C10orf67: variants seen among roughly 807,000 people sequenced by gnomAD.
C10orf67 encodes uncharacterized protein C10orf67, mitochondrial.
C10orf67 carries 60 observed loss-of-function variants against 35.6 expected under a neutral mutation model. That is an observed-to-expected ratio of 1.68 (90% CI 1.37 to 2.09). The LOEUF (loss-of-function observed/expected upper bound fraction) is 2.09, where lower values mean the gene tolerates loss of function less well. Ranked by LOEUF, C10orf67 falls within the 30% of genes most tolerant of loss-of-function variation. The probability of loss-of-function intolerance (pLI) is 0.00; values close to 1 mark genes in which losing one functional copy is unlikely to be tolerated. For missense variants in C10orf67, 474 were observed against 330.2 expected (o/e 1.44, Z -3.38); for synonymous variants, 167 against 115.8 (o/e 1.44, Z -2.84).
intron 13 of C10orf67, among the ~76,000 whole-genome samples, chr10:23,230,344 A>C (rs1934085827): frequency 6.6e-6 from 1 of 152,178 alleles, no homozygotes; most frequent in Non-Finnish European, 1.5e-5. Flanking sequence ...TGAAAAGCAA[A>C]ACAAGCCAAA....
rs1292271494 is a variant in C10orf67 at position 23,266,428 on chromosome 10, T to G, written c.1036-2A>C. ...TCTCCCCTTGGCTGATCTTGCAACC[T>G]GCCACACAAAAAGACACAACTTTGT... is the stretch of plus-strand genomic sequence containing the variant. On this transcript the variant is annotated splice_acceptor_variant, in intron 9 of 15. Transcript: ENST00000636213. LOFTEE classifies it high-confidence loss of function. 2.5e-6 allele frequency: 1 copy of G among 398,500 alleles called. No homozygotes were observed. The highest frequency in any genetic ancestry group is 2.1e-5 in the African/African-American group (1 of 48,628). 24.7% of individuals were successfully genotyped at this position (398,500 alleles called of 1,614,324 possible). A position where few individuals can be genotyped will look rare whatever the true frequency, so the allele number is the denominator to read the frequency against.
intron 15 of C10orf67, among the ~76,000 whole-genome samples, chr10:23,220,641 C>T (rs190542945): frequency 3.3e-5 from 5 of 152,322 alleles, no homozygotes; most frequent in East Asian, 1.9e-4. Flanking sequence ...AATCCAGCTG[C>T]TCTACTTCTT....
At chr10:23,323,301 C>T (rs1366865250) in intron 2 of C10orf67, among the ~76,000 whole-genome samples, 2 of 152,124 alleles carry the variant, frequency 1.3e-5, no homozygotes, top group Non-Finnish European at 2.9e-5. Context: ...ATAATCAAAA[C>T]ACAATGTATT....
intron 12 of C10orf67, among the ~76,000 whole-genome samples, chr10:23,246,043 T>C (rs1842308910): frequency 6.6e-6 from 1 of 152,192 alleles, no homozygotes. Context: ...AATCATGTCC[T>C]TTGCAGCAAT....
intron 8 of C10orf67, among the ~76,000 whole-genome samples, chr10:23,278,539 A>G (rs1843263321): frequency 1.3e-5 from 2 of 152,214 alleles, no homozygotes; most frequent in Admixed American, 1.3e-4. Flanking sequence ...AGCTCACAGA[A>G]TGGAAACAGC....
At chr10:23,271,227 C>T (rs1373271970) in intron 8 of C10orf67, among the ~76,000 whole-genome samples, 1 of 152,204 alleles carries the variant, frequency 6.6e-6, no homozygotes, top group South Asian at 2.1e-4. Context: ...AGCTAACTAT[C>T]CTGAATGTAT....
chr10:23,339,563 A>T (rs985507679), intron 1 of C10orf67, among the ~76,000 whole-genome samples: 6 of 152,200 alleles, frequency 3.9e-5, no homozygotes, highest in African/African-American at 1.4e-4. Flanking sequence ...AGCAGTTGTC[A>T]CACCCTCTGG....
chr10:23,307,983 T>C (rs540603263), intron 4 of C10orf67, among the ~76,000 whole-genome samples: 2 of 152,282 alleles, frequency 1.3e-5, no homozygotes, highest in Admixed American at 1.3e-4. Context: ...TTCTTACATA[T>C]GTCTACAGCT....
At chr10:23,247,753 T>C (rs1842353958) in intron 12 of C10orf67, among the ~76,000 whole-genome samples, 1 of 152,222 alleles carries the variant, frequency 6.6e-6, no homozygotes, top group Admixed American at 6.5e-5. Context: ...TTGAATGTTA[T>C]TGAAAACTTT....
chr10:23,295,584 C>T (rs1468879768), intron 5 of C10orf67, among the ~76,000 whole-genome samples: 1 of 152,178 alleles, frequency 6.6e-6, no homozygotes. Context: ...TATCATAACT[C>T]TCTAGTTTAG....
chr10:23,243,644 G>A (rs1019224754), intron 12 of C10orf67, among the ~76,000 whole-genome samples: 9 of 150,612 alleles, frequency 6.0e-5, no homozygotes, highest in Admixed American at 2.6e-4. Flanking sequence ...CTGAGATCAC[G>A]CCATTGCACT....
intron 12 of C10orf67, among the ~76,000 whole-genome samples, chr10:23,244,761 A>T (rs921312281): frequency 2.6e-5 from 4 of 152,218 alleles, no homozygotes; most frequent in Non-Finnish European, 5.9e-5. Flanking sequence ...TATTGTCAAG[A>T]TGTCTATACT....
At chr10:23,297,985 T>G (rs4747458) in intron 5 of C10orf67, among the ~76,000 whole-genome samples, 59,290 of 152,010 alleles carry the variant, frequency 0.39, 14,575 homozygotes, top group East Asian at 0.74. Flanking sequence ...GCCGGGCATG[T>G]TGGCTCACGC....
chr10:23,250,416 A>T, intron 12 of C10orf67, 39 bp downstream of exon 12: 1 of 398,318 alleles, frequency 2.5e-6, no homozygotes, highest in Non-Finnish European at 4.4e-6. Flanking sequence ...ATGATTAGTC[A>T]TGTTTTTAGA....
At chr10:23,242,834 T>C (rs140425211) in intron 12 of C10orf67, among the ~76,000 whole-genome samples, 4 of 151,918 alleles carry the variant, frequency 2.6e-5, no homozygotes, top group African/African-American at 4.8e-5. Context: ...GAAGAAGAAA[T>C]ATAAAACAGG....
chr10:23,229,145 T>A (rs1280288556), intron 13 of C10orf67, among the ~76,000 whole-genome samples: 1 of 152,106 alleles, frequency 6.6e-6, no homozygotes, highest in Non-Finnish European at 1.5e-5. Context: ...GTATGTTCAC[T>A]GCGGCACTAT....
chr10:23,274,370 G>T (rs1843118933), intron 8 of C10orf67, among the ~76,000 whole-genome samples: 3 of 152,186 alleles, frequency 2.0e-5, no homozygotes, highest in African/African-American at 7.2e-5. Context: ...GGAGACCAGG[G>T]CGTATTTCAT....
intron 4 of C10orf67, among the ~76,000 whole-genome samples, chr10:23,310,895 T>C (rs533689348): frequency 1.3e-5 from 2 of 152,348 alleles, no homozygotes; most frequent in South Asian, 4.1e-4. Flanking sequence ...AGATGGATGA[T>C]GGGCTAGTAC....
rs1171926206 is a variant in C10orf67, at chr10:23,344,749, G to A, written c.26C>T (p.Ala9Val). Residue 9 changes from alanine (A) to valine (V), a missense_variant, in exon 1 of 16, where the codon GCT (alanine) becomes GTT (valine). By Grantham distance (64) the Ala-to-Val change is moderately conservative (BLOSUM62 0). Transcript: ENST00000636213. Reference protein sequence around the residue: MALVRDRRAHYVMSIVIRW... With the variant: MALVRDRRVHYVMSIVIRW... ...AATAACTATGCTCATGACATAATGA[G>A]CCCTGCGATCCCGGACCAAGGCCAT... 1 of 1,568,722 alleles carries A rather than the reference G, an allele frequency of 6.4e-7. No individual in the cohort carries two copies.
Sources: allele counts gnomAD v4.1 joint callset (sites outside exome capture counted in the v4.1 genomes callset), GRCh38; gene constraint gnomAD v4.1.1; transcripts MANE v1.5; gene names NCBI Gene and HGNC (gene_info 2026-07-23, HGNC 2026-07-21).